Variants in CCDC66 observed in about 807,000 individuals in gnomAD.
The protein encoded by CCDC66 is coiled-coil domain-containing protein 66.
CCDC66 carries 133 observed loss-of-function variants against 128.3 expected under a neutral mutation model. That is an observed-to-expected ratio of 1.04 (90% CI 0.90 to 1.20). The LOEUF is 1.20. CCDC66 is among the 50% of genes most tolerant of loss of function. The pLI is 0.00. For missense variants in CCDC66, 1,126 were observed against 1,075.5 expected, an observed-to-expected ratio of 1.05 and a Z score of -0.66; for synonymous variants, 387 against 357.0, an observed-to-expected ratio of 1.08 and a Z score of -0.95.
intron 7 of CCDC66, among the ~76,000 whole-genome samples, chr3:56,581,753 G>C (rs573713141): frequency 6.6e-6 from 1 of 151,910 alleles, no homozygotes; most frequent in Non-Finnish European, 1.5e-5. Context: ...AGCAAATGTT[G>C]CTGTCTGATC....
chr3:56,558,187 T>C (rs2064615670), intron 1 of CCDC66, among the ~76,000 whole-genome samples: 1 of 152,204 alleles, frequency 6.6e-6, no homozygotes, highest in Non-Finnish European at 1.5e-5. Flanking sequence ...GCTTGCTGGA[T>C]TTAATTTTCT....
intron 3 of CCDC66, among the ~76,000 whole-genome samples, chr3:56,562,403 CT>C (rs951798029): frequency 1.3e-5 from 2 of 152,078 alleles, no homozygotes; most frequent in Admixed American, 1.3e-4. Context: ...AACTTGGTTA[CT>C]TTCCTAATTT....
intron 7 of CCDC66, among the ~76,000 whole-genome samples, chr3:56,589,863 C>T (rs2106878255): frequency 6.6e-6 from 1 of 152,158 alleles, no homozygotes; most frequent in South Asian, 2.1e-4. Flanking sequence ...AGACATGGCT[C>T]CAAAGAGGAT....
intron 16 of CCDC66, 117 bp downstream of exon 16, chr3:56,619,644 A>G: frequency 1.3e-6 from 2 of 1,482,458 alleles, no homozygotes; most frequent in South Asian, 1.4e-5. Flanking sequence ...TTTCTTGAAT[A>G]TGTCTTAAAT....
chr3:56,576,719 C>G (rs533115943), intron 7 of CCDC66, among the ~76,000 whole-genome samples: 65 of 151,676 alleles, frequency 4.3e-4, no homozygotes, highest in Non-Finnish European at 8.1e-4. Context: ...ATCCATGTCC[C>G]TACAAAGGAC....
intron 3 of CCDC66, chr3:56,563,387 T>G (rs562525448): frequency 2.2e-4 from 31 of 142,218 alleles, no homozygotes; most frequent in Middle Eastern, 2.1e-3. Flanking sequence ...AAAAATTTTT[T>G]TAATTGAAAA....
At chr3:56,573,789 A>C (rs1238794681) in intron 7 of CCDC66, among the ~76,000 whole-genome samples, 1 of 149,444 alleles carries the variant, frequency 6.7e-6, no homozygotes, top group African/African-American at 2.4e-5. Context: ...TTCCCCATCC[A>C]CTCATGGCCA....
chr3:56,615,808 T>C, intron 12 of CCDC66, 114 bp from the exon 13 acceptor site: 1 of 827,342 alleles, frequency 1.2e-6, no homozygotes, highest in Non-Finnish European at 1.8e-6. Flanking sequence ...AAGAAAATTT[T>C]TATTGCAGTG....
intron 6 of CCDC66, among the ~76,000 whole-genome samples, chr3:56,567,293 G>A (rs1156770299): frequency 2.6e-5 from 4 of 152,216 alleles, no homozygotes; most frequent in African/African-American, 9.6e-5. Flanking sequence ...GGGAGGCTGA[G>A]GCAGGAGAAT....
chr3:56,568,263 G>A (rs956639444), intron 6 of CCDC66, among the ~76,000 whole-genome samples: 3 of 152,108 alleles, frequency 2.0e-5, no homozygotes, highest in Non-Finnish European at 4.4e-5. Flanking sequence ...ATACATTTTG[G>A]GGTAAAACAC....
intron 10 of CCDC66, among the ~76,000 whole-genome samples, chr3:56,603,536 G>A (rs138312281): frequency 1.5e-4 from 23 of 151,914 alleles, no homozygotes; most frequent in African/African-American, 5.1e-4. Flanking sequence ...TCTTAATTTC[G>A]TTATTTACCC....
intron 7 of CCDC66, among the ~76,000 whole-genome samples, chr3:56,589,019 G>A (rs2061531566): frequency 6.6e-6 from 1 of 152,062 alleles, no homozygotes; most frequent in South Asian, 2.1e-4. Flanking sequence ...AGTAAAACTG[G>A]AAATACCTAC....
In CCDC66 at chr3:56,617,383, A is replaced by G; in HGVS notation, c.2115A>G (p.Ile705Met). The change falls in exon 14 of 18, where the codon ATA (isoleucine) becomes ATG (methionine). Residue 705 changes from isoleucine (I) to methionine (M), a missense_variant. Transcript: ENST00000394672. Reference protein sequence around the residue: ...KKYPKRPDWNINKPPKRYIPA... With the variant: ...KKYPKRPDWNMNKPPKRYIPA... ...ATCCTAAAAGGCCTGATTGGAATAT[A>G]AATAAGCCACCTAAAAGGTATATTC... 1 of 1,613,942 alleles carries G rather than the reference A, an allele frequency of 6.2e-7. No homozygotes were observed. Among genetic ancestry groups the G allele is most frequent in the Non-Finnish European group, 8.5e-7 (1 of 1,179,976 alleles).
At chr3:56,589,364 G>C (rs976928887) in intron 7 of CCDC66, among the ~76,000 whole-genome samples, 7 of 151,956 alleles carry the variant, frequency 4.6e-5, no homozygotes, top group Admixed American at 2.0e-4. Context: ...TCCCAACAAA[G>C]GTAGAAGTGA....
chr3:56,619,685 T>C (rs2076092562), intron 16 of CCDC66, 92 bp from the exon 17 acceptor site: 1 of 1,509,050 alleles, frequency 6.6e-7, no homozygotes, highest in Admixed American at 2.1e-5. Context: ...GATACATACT[T>C]ATTATAATGA....
At chr3:56,572,288 TA>T in intron 7 of CCDC66, 1 of 1,113,386 alleles carries the variant, frequency 9.0e-7, no homozygotes, top group Non-Finnish European at 1.2e-6. Context: ...TAATTTTGGG[TA>T]AAGAAACAGT....
chr3:56,619,958 G>C, intron 17 of CCDC66, 57 bp downstream of exon 17: 1 of 1,568,706 alleles, frequency 6.4e-7, no homozygotes, highest in Non-Finnish European at 8.6e-7. Context: ...GGGCGGTTGG[G>C]GGAACCTGTT....
In CCDC66 at chr3:56,571,623, C is replaced by T. The variant is rs567834087; in HGVS notation, c.936+321C>T. Among the ~76,000 whole-genome samples, 10 of 152,228 alleles carry T rather than the reference C, an allele frequency of 6.6e-5. No individual in the cohort carries two copies. The South Asian group carries it at 2.1e-3, about 32-fold the overall frequency. On this transcript the variant is annotated intron_variant, in intron 7 of 17. Transcript: ENST00000394672. ...GAACTCCTGGCCTCATGTGATCTGC[C>T]AGCCTTGACCTCCCAAAGTGCTGGG...
chr3:56,567,724 G>T (rs531144205), intron 6 of CCDC66, among the ~76,000 whole-genome samples: 1 of 152,036 alleles, frequency 6.6e-6, no homozygotes, highest in South Asian at 2.1e-4. Context: ...ATGGGGTCTC[G>T]CTGTGTTGCC....
Sources: gnomAD v4.1 joint callset for allele counts (sites outside exome capture counted in the v4.1 genomes callset) on GRCh38, gnomAD v4.1.1 for gene constraint, MANE v1.5 for transcripts, NCBI Gene and HGNC (gene_info 2026-07-23, HGNC 2026-07-21) for gene names.